The following UPK3A variants were observed in gnomAD, a reference collection of about 807,000 sequenced individuals.
The protein encoded by UPK3A is uroplakin 3A, also known as uroplakin-3a.
UPK3A carries 32 observed loss-of-function variants against 27.6 expected under a neutral mutation model. That is an observed-to-expected ratio of 1.16 (90% CI 0.87 to 1.55). The LOEUF is 1.55. Ranked by LOEUF, UPK3A falls within the 40% of genes most tolerant of loss-of-function variation. The probability of loss-of-function intolerance (pLI) is 0.00; values close to 1 mark genes in which losing one functional copy is unlikely to be tolerated. For synonymous variants in UPK3A, 171 were observed against 163.9 expected (o/e 1.04, Z -0.33); for missense variants, 370 against 367.9 (o/e 1.01, Z -0.05).
At position 45,285,978 on chromosome 22, in the gene UPK3A, C is replaced by G. The variant is rs199656309; in HGVS notation, c.90C>G (p.Phe30Leu). 6.2e-7 allele frequency: 1 copy of G among 1,614,092 alleles called. No homozygotes were observed. Among genetic ancestry groups the G allele is most frequent in the East Asian group, 2.2e-5 (1 of 44,886 alleles). ...AGCCCCAACTGGCCAGTGTGACTTT[C>G]GCCACCAACAACCCCACACTTACCA... Reference protein sequence around the residue: ...NLQPQLASVTFATNNPTLTTV... With the variant: ...NLQPQLASVTLATNNPTLTTV... The change falls in exon 2 of 6, where the codon TTC (phenylalanine) becomes TTG (leucine). Residue 30 changes from phenylalanine to leucine, a missense_variant. Transcript: ENST00000216211.
intron 4 of UPK3A, among the ~76,000 whole-genome samples, chr22:45,291,679 A>T (rs1167505610): frequency 8.3e-6 from 1 of 119,986 alleles, no homozygotes; most frequent in South Asian, 2.8e-4. Context: ...GTGAGTTGGT[A>T]TGTGTGGTGT....
At position 45,287,259 on chromosome 22, in the gene UPK3A, C is replaced by T. The variant is rs761708746; in HGVS notation, c.296C>T (p.Pro99Leu). The T allele has an allele frequency of 3.7e-6, 6 of 1,614,208 alleles. No homozygotes were observed. The East Asian group carries it at 8.9e-5, about 24-fold the overall frequency. The change falls in exon 3 of 6, where the codon CCC becomes CTC. Residue 99 changes from proline to leucine, a missense_variant. By Grantham distance (98) the Pro-to-Leu change is moderately conservative. Transcript: ENST00000216211. ...FLQTEGGRTG[P>L]YKAVAFDLIP... Reference sequence around the variant, plus strand: ...CAAACAGAGGGTGGGAGGACAGGTCCCTACAAAGCTGTGGCCTTTGACCTG... The same window carrying T: ...CAAACAGAGGGTGGGAGGACAGGTCTCTACAAAGCTGTGGCCTTTGACCTG...
chr22:45,293,235 T>C lies in UPK3A; in HGVS notation c.626T>C (p.Ile209Thr). ...CCAGGCCGGCGGAGCGGAGGCATGA[T>C]CGTCATCACTTCCATCCTGGGCTCC... is the stretch of plus-strand genomic sequence containing the variant. ...TWPGRRSGGMIVITSILGSLP... is the reference protein window; with the variant it reads ...TWPGRRSGGMTVITSILGSLP... Residue 209 changes from isoleucine to threonine, a missense_variant, in exon 5 of 6, where the codon ATC (isoleucine) becomes ACC (threonine). Transcript: ENST00000216211. 1 of 1,614,140 alleles carries C rather than the reference T, an allele frequency of 6.2e-7. No homozygotes were observed. The highest frequency in any genetic ancestry group is 2.2e-5 in the East Asian group (1 of 44,862).
chr22:45,293,020 A>G (rs1328505719), intron 4 of UPK3A, among the ~76,000 whole-genome samples, 161 bp from the exon 5 acceptor site: 3 of 152,028 alleles, frequency 2.0e-5, no homozygotes, highest in Non-Finnish European at 2.9e-5. Context: ...GGGGGAAAAT[A>G]AGGTAATTGT....
chr22:45,288,790 C>T (rs968417951), intron 3 of UPK3A, among the ~76,000 whole-genome samples: 2 of 152,180 alleles, frequency 1.3e-5, no homozygotes, highest in African/African-American at 2.4e-5. Flanking sequence ...TAAGAGGGAG[C>T]GCCTAGAAGG....
In UPK3A at chr22:45,293,112, G is replaced by A. The variant is rs866826427; in HGVS notation, c.572-69G>A. On this transcript the variant is annotated intron_variant, in intron 4 of 5. Coordinates refer to ENST00000216211, the MANE Select transcript of UPK3A (RefSeq NM_006953.4). ...GGCAGCCAGGGCGGGGGAGACACCC[G>A]CCGCCTCCTGGGAGAAGGGTGAGGG... 6.3e-4 allele frequency: 1,000 copies of A among 1,598,892 alleles called. 9 individuals carry two copies. In the Middle Eastern group the frequency reaches 6.5e-3, roughly 10 times the overall value.
Position 45,287,154 on chromosome 22 carries a change from C to G in UPK3A, c.209-18C>G, listed in dbSNP as rs1482446169. ...GCCGGAGTGGCCAGAAGCCTGACTC[C>G]CTGCACCGCCTCTGCAGCCATTTCC... On this transcript the variant is annotated intron_variant, in intron 2 of 5. Transcript: ENST00000216211. 1 of 1,613,562 alleles carries G rather than the reference C, an allele frequency of 6.2e-7. No individual in the cohort carries two copies. The highest frequency in any genetic ancestry group is 1.3e-5 in the African/African-American group (1 of 74,900).
Position 45,287,387 on chromosome 22 carries a change from T to C in UPK3A, c.424T>C (p.Cys142Arg). The C allele has an allele frequency of 6.2e-7, 1 of 1,612,942 alleles. No homozygotes were observed. The highest frequency in any genetic ancestry group is 8.5e-7 in the Non-Finnish European group (1 of 1,179,524). ...GGTCAGGGTGGGTGCCAACGGGACC[T>C]GCCTGTGGGATCCCAACTTCCAGGG... ...YLVRVGANGT[C>R]LWDPNFQGLC... The change falls in exon 3 of 6, where the codon TGC becomes CGC. Residue 142 changes from cysteine to arginine, a missense_variant. By Grantham distance (180) the Cys-to-Arg change is radical. Coordinates refer to ENST00000216211, the MANE Select transcript of UPK3A (RefSeq NM_006953.4).
chr22:45,285,068 A>G lies in UPK3A; in HGVS notation c.52+3A>G. On this transcript the variant is annotated splice_donor_region_variant and intron_variant, in intron 1 of 5. Coordinates refer to ENST00000216211, the MANE Select transcript of UPK3A (RefSeq NM_006953.4). The stretch of plus-strand genomic sequence containing the variant: ...CGGCTGCCTGCGGTTCGGCTCGGGT[A>G]GGCGGTGAAGGGCAGGAGGGGGCTG... 1 of 1,535,688 alleles carries G rather than the reference A, an allele frequency of 6.5e-7. No individual in the cohort carries two copies. The highest frequency in any genetic ancestry group is 8.7e-7 in the Non-Finnish European group (1 of 1,147,698).
Position 45,285,986 on chromosome 22 carries a change from A to T in UPK3A, c.98A>T (p.Asn33Ile), listed in dbSNP as rs527436531. ...CTGGCCAGTGTGACTTTCGCCACCA[A>T]CAACCCCACACTTACCACTGTGGCC... The part of the protein sequence containing the change: ...PQLASVTFAT[N>I]NPTLTTVALE... Residue 33 changes from asparagine (N) to isoleucine (I), a missense_variant, in exon 2 of 6, where the codon AAC (asparagine) becomes ATC (isoleucine). By Grantham distance (149) the Asn-to-Ile change is moderately radical (BLOSUM62 -3). Transcript: ENST00000216211. 6.2e-7 allele frequency: 1 copy of T among 1,613,982 alleles called. No homozygotes were observed. Among genetic ancestry groups the T allele is most frequent in the African/African-American group, 1.3e-5 (1 of 74,894 alleles).
At position 45,295,874 on chromosome 22, in the gene UPK3A, A is replaced by G; in HGVS notation, c.*155A>G. The stretch of plus-strand genomic sequence containing the variant: ...TTAATAAAATCTTCTGATGAGTTCT[A>G]GTTCAGTAACTACTTACAGAATGAA... On this transcript the variant is annotated 3_prime_UTR_variant, in exon 6 of 6. Transcript: ENST00000216211. 1.2e-6 allele frequency: 1 copy of G among 820,046 alleles called. No individual in the cohort carries two copies. Among genetic ancestry groups the G allele is most frequent in the East Asian group, 2.7e-5 (1 of 37,380 alleles). The allele number at this position is 820,046 out of a possible 1,614,324, so 50.8% of individuals were successfully genotyped here.
At chr22:45,294,738 T>G (rs771248365) in intron 5 of UPK3A, among the ~76,000 whole-genome samples, 1 of 152,048 alleles carries the variant, frequency 6.6e-6, no homozygotes, top group Non-Finnish European at 1.5e-5. Context: ...GTATCCCTCT[T>G]GCTATCCCCA....
At chr22:45,285,870 A>T (rs1434616668) in intron 1 of UPK3A, 71 bp from the exon 2 acceptor site, 1 of 1,606,388 alleles carries the variant, frequency 6.2e-7, no homozygotes, top group South Asian at 1.1e-5. Flanking sequence ...ACACGTGCTC[A>T]GTAACTGCAA....
Position 45,286,100 on chromosome 22 carries a change from A to G in UPK3A, c.208+4A>G. 3 of 1,614,060 alleles carry G rather than the reference A, an allele frequency of 1.9e-6. No individual in the cohort carries two copies. Among genetic ancestry groups the G allele is most frequent in the Non-Finnish European group, 2.5e-6 (3 of 1,179,974 alleles). On this transcript the variant is annotated splice_donor_region_variant and intron_variant, in intron 2 of 5. Coordinates refer to ENST00000216211, the MANE Select transcript of UPK3A (RefSeq NM_006953.4). ...CTGTATGTCCTGGTCGACTCAGGTAAGGGTCCTGCTTCCCTCTGGCTACTC... is the reference window on the plus strand; with the variant it reads ...CTGTATGTCCTGGTCGACTCAGGTAGGGGTCCTGCTTCCCTCTGGCTACTC...
chr22:45,294,528 G>A (rs539891968), intron 5 of UPK3A, among the ~76,000 whole-genome samples: 2 of 152,218 alleles, frequency 1.3e-5, no homozygotes, highest in African/African-American at 4.8e-5. Flanking sequence ...CCCAGGCTGT[G>A]TCACCTTTAC....
intron 5 of UPK3A, among the ~76,000 whole-genome samples, chr22:45,294,882 CTTT>C (rs533550582): frequency 1.5e-5 from 2 of 134,858 alleles, no homozygotes; most frequent in Non-Finnish European, 1.6e-5. Flanking sequence ...CCCTACGCTC[CTTT>C]TTTTTTTTTT....
chr22:45,285,242 A>G (rs2084109501), intron 1 of UPK3A, among the ~76,000 whole-genome samples, 177 bp downstream of exon 1: 1 of 152,230 alleles, frequency 6.6e-6, no homozygotes, highest in Non-Finnish European at 1.5e-5. Flanking sequence ...GGGCTCACAG[A>G]TGGCTGCAGC....
Position 45,287,226 on chromosome 22 carries a change from C to T in UPK3A, c.263C>T (p.Thr88Met), listed in dbSNP as rs142049524. Residue 88 changes from threonine (T) to methionine (M), a missense_variant, in exon 3 of 6, where the codon ACG becomes ATG. Physicochemically the swap from Thr to Met is moderately conservative, Grantham distance 81. Coordinates refer to ENST00000216211, the MANE Select transcript of UPK3A (RefSeq NM_006953.4). ...AGCACCAACACCCCACTGGGCTCAA[C>T]GTTCCTACAAACAGAGGGTGGGAGG... is the stretch of plus-strand genomic sequence containing the variant. ...QDSTNTPLGS[T>M]FLQTEGGRTG... 1.7e-5 allele frequency: 28 copies of T among 1,614,126 alleles called. No homozygotes were observed. The highest frequency in any genetic ancestry group is 3.3e-4 in the Middle Eastern group (2 of 6,084).
At chr22:45,290,864 G>C (rs1044669151) in intron 4 of UPK3A, among the ~76,000 whole-genome samples, 1 of 152,138 alleles carries the variant, frequency 6.6e-6, no homozygotes, top group East Asian at 1.9e-4. Context: ...GCGCATGCCA[G>C]GGATTAGGTT....
Sources: allele counts gnomAD v4.1 joint callset (sites outside exome capture counted in the v4.1 genomes callset), GRCh38; gene constraint gnomAD v4.1.1; transcripts MANE v1.5; gene names NCBI Gene and HGNC (gene_info 2026-07-23, HGNC 2026-07-21).